OPCML: variants seen among roughly 807,000 people sequenced by gnomAD.
OPCML encodes opioid binding protein/cell adhesion molecule like.
In OPCML, 13 loss-of-function variants were observed where a neutral mutation model predicts 37.8. That is an observed-to-expected ratio of 0.34 (90% CI 0.22 to 0.55). The LOEUF is 0.55. Among genes scored for constraint, OPCML ranks in the 20% least tolerant of loss-of-function variants. OPCML has a pLI of 0.91. For synonymous variants in OPCML, 176 were observed against 168.8 expected (o/e 1.04, Z -0.33); for missense variants, 341 against 435.6 (o/e 0.78, Z 1.93).
intron 1 of OPCML, among the ~76,000 whole-genome samples, chr11:133,076,917 T>C (rs1277407856): frequency 3.3e-5 from 5 of 152,142 alleles, no homozygotes; most frequent in Non-Finnish European, 7.3e-5. Context: ...GTTGATTGAT[T>C]TCTAGTAGAG....
At chr11:133,030,418 C>A (rs996637126) in intron 1 of OPCML, among the ~76,000 whole-genome samples, 2 of 152,174 alleles carry the variant, frequency 1.3e-5, no homozygotes, top group African/African-American at 4.8e-5. Flanking sequence ...CATGCTCTGT[C>A]CCTGCCACTC....
Position 132,475,202 on chromosome 11 carries a change from C to A in OPCML, c.506-37843G>T, listed in dbSNP as rs1377691531. 2.0e-5 allele frequency among the ~76,000 whole-genome samples: 3 copies of A among 152,174 alleles called. No individual in the cohort carries two copies. In the East Asian group the frequency reaches 5.8e-4, roughly 29 times the overall value. ...ACTAAGACCTATGAAGGCCTGAGGG[C>A]TGGCCTAAATCTCCAGTTATTAGAT... On this transcript the variant is annotated intron_variant, in intron 4 of 7. Transcript: ENST00000524381.
chr11:133,282,542 A>T (rs11223430), intron 1 of OPCML, among the ~76,000 whole-genome samples: 47,822 of 152,028 alleles, frequency 0.31, 8,338 homozygotes, highest in East Asian at 0.73. Flanking sequence ...ACAGAGAACC[A>T]CCACTAGGGC....
chr11:132,858,477 T>C (rs1364733011), intron 2 of OPCML, among the ~76,000 whole-genome samples: 2 of 152,212 alleles, frequency 1.3e-5, no homozygotes, highest in African/African-American at 4.8e-5. Flanking sequence ...TGAACTCTGC[T>C]GGGAACTAGC....
At chr11:132,548,665 G>A (rs533811877) in intron 3 of OPCML, among the ~76,000 whole-genome samples, 1 of 152,280 alleles carries the variant, frequency 6.6e-6, no homozygotes, top group Admixed American at 6.5e-5. Context: ...GGATCTCCCG[G>A]TTTGGGAGAG....
At chr11:132,732,932 T>G (rs73599384) in intron 2 of OPCML, among the ~76,000 whole-genome samples, 3,284 of 152,102 alleles carry the variant, frequency 0.022, 98 homozygotes, top group African/African-American at 0.076. Context: ...AGTAGTAGTA[T>G]TATTGAGGGC....
At chr11:132,573,656 C>T (rs2096443474) in intron 3 of OPCML, among the ~76,000 whole-genome samples, 1 of 151,932 alleles carries the variant, frequency 6.6e-6, no homozygotes, top group Admixed American at 6.6e-5. Context: ...AGGATTTTTG[C>T]ATCTATATTG....
chr11:132,501,430 G>A (rs190872022), intron 4 of OPCML, among the ~76,000 whole-genome samples: 23 of 152,282 alleles, frequency 1.5e-4, no homozygotes, highest in Admixed American at 5.2e-4. Context: ...GTGCCATAGC[G>A]CTGGGGCCTG....
At chr11:132,951,535 G>A (rs193175496) in intron 1 of OPCML, among the ~76,000 whole-genome samples, 388 of 152,272 alleles carry the variant, frequency 2.5e-3, no homozygotes, top group Non-Finnish European at 3.9e-3. Context: ...TTCAACATAC[G>A]AATTTTGGGG....
intron 1 of OPCML, among the ~76,000 whole-genome samples, chr11:133,031,013 T>G (rs1221551172): frequency 2.0e-5 from 3 of 152,206 alleles, no homozygotes; most frequent in African/African-American, 7.2e-5. Context: ...ACAAATAGCT[T>G]GAGTAGGATA....
intron 1 of OPCML, among the ~76,000 whole-genome samples, chr11:133,324,711 C>T (rs1026830449): frequency 6.6e-6 from 1 of 152,072 alleles, no homozygotes; most frequent in Admixed American, 6.6e-5. Flanking sequence ...CAATCAGGCA[C>T]AAATTTGAAA....
intron 2 of OPCML, among the ~76,000 whole-genome samples, chr11:132,706,168 A>G (rs1944027811): frequency 6.6e-6 from 1 of 152,180 alleles, no homozygotes; most frequent in Non-Finnish European, 1.5e-5. Flanking sequence ...AGCTGAATGC[A>G]TTGCAGATAC....
chr11:132,516,233 A>G (rs2096279360), intron 4 of OPCML, among the ~76,000 whole-genome samples: 1 of 152,294 alleles, frequency 6.6e-6, no homozygotes, highest in African/African-American at 2.4e-5. Flanking sequence ...TAGTGGGGGA[A>G]ATGGAAGAAA....
At chr11:133,141,048 C>CGAAGAAGAA (rs1161324241) in intron 1 of OPCML, among the ~76,000 whole-genome samples, 153 of 5,786 alleles carry the variant, frequency 0.026, 64 homozygotes, top group Middle Eastern at 0.17. Flanking sequence ...ACGACGACGA[C>CGAAGAAGAA]GAAGAAGAAG....
chr11:133,267,988 A>G (rs1387269374), intron 1 of OPCML, among the ~76,000 whole-genome samples: 2 of 152,136 alleles, frequency 1.3e-5, no homozygotes, highest in Non-Finnish European at 2.9e-5. Flanking sequence ...ATGAGAACAG[A>G]CTAATATACT....
intron 1 of OPCML, among the ~76,000 whole-genome samples, chr11:133,259,517 TC>T (rs1941423737): frequency 6.6e-6 from 1 of 152,158 alleles, no homozygotes. Context: ...TCAAAGTCAG[TC>T]CTGTCCTTGA....
chr11:132,788,464 T>C (rs997198409), intron 2 of OPCML, among the ~76,000 whole-genome samples: 1 of 152,204 alleles, frequency 6.6e-6, no homozygotes, highest in Admixed American at 6.5e-5. Context: ...ATCTCTCTCC[T>C]GGGCTAGTGA....
At chr11:132,700,032 A>C (rs994510507) in intron 2 of OPCML, among the ~76,000 whole-genome samples, 12 of 151,918 alleles carry the variant, frequency 7.9e-5, no homozygotes, top group South Asian at 6.2e-4. Flanking sequence ...TGGCCTATTC[A>C]GATTTTCTAT....
rs75334624 is a variant in OPCML, at chr11:132,730,981, T to C, written c.147-73662A>G. On this transcript the variant is annotated intron_variant, in intron 2 of 7. Coordinates refer to ENST00000524381, the MANE Select transcript of OPCML (RefSeq NM_001012393.5). ...CTTGATGTAAGAAAAAGGTATGTTTTTTCATCTGTTTGTTGTTCTGTCTGC... is the reference window on the plus strand; with the variant it reads ...CTTGATGTAAGAAAAAGGTATGTTTCTTCATCTGTTTGTTGTTCTGTCTGC... Among the ~76,000 whole-genome samples the C allele has an allele frequency of 1.7e-3, 265 of 152,312 alleles. 9 individuals are homozygous for C. The East Asian group carries it at 0.049, about 28-fold the overall frequency.
Sources: allele counts gnomAD v4.1 joint callset (sites outside exome capture counted in the v4.1 genomes callset), GRCh38; gene constraint gnomAD v4.1.1; transcripts MANE v1.5; gene names NCBI Gene and HGNC (gene_info 2026-07-23, HGNC 2026-07-21).